Variants in ATRX observed in about 807,000 individuals in gnomAD.
ATRX encodes the protein chromatin remodeler ATRX.
ATRX carries 12 observed loss-of-function variants against 172.6 expected under a neutral mutation model. The ratio of observed to expected loss-of-function variants is 0.07; its 90% CI spans 0.04 to 0.11. The LOEUF (loss-of-function observed/expected upper bound fraction) is 0.11. Ranked by LOEUF, ATRX falls within the 10% of genes least tolerant of loss-of-function variation. The pLI is 1.00. For missense variants in ATRX, 1,368 were observed against 1,767.4 expected (o/e 0.77, Z 4.05); for synonymous variants, 674 against 594.7 (o/e 1.13, Z -1.94).
chrX:77,721,670 G>A (rs1429409781), intron 1 of ATRX, among the ~76,000 whole-genome samples: 1 of 111,726 alleles, frequency 9.0e-6, no homozygotes, highest in Non-Finnish European at 1.9e-5. Context: ...GGAAATAAGA[G>A]AGGACTCAAA....
intron 22 of ATRX, among the ~76,000 whole-genome samples, chrX:77,610,619 T>C (rs2067113645): frequency 9.0e-6 from 1 of 111,623 alleles, no homozygotes; most frequent in African/African-American, 3.3e-5. Context: ...AAAAATATTT[T>C]GTGGCATTAT....
chrX:77,753,056 T>C (rs972386834), intron 1 of ATRX, among the ~76,000 whole-genome samples: 2 of 111,537 alleles, frequency 1.8e-5, no homozygotes, highest in African/African-American at 6.5e-5. Context: ...CAGCTCCTCT[T>C]TGTACCTCTG....
chrX:77,772,722 C>G (rs1285205577), intron 1 of ATRX, among the ~76,000 whole-genome samples: 3 of 109,529 alleles, frequency 2.7e-5, no homozygotes, highest in Non-Finnish European at 5.7e-5. Flanking sequence ...ACCTCGTGAT[C>G]CATCCGCCTC....
chrX:77,665,352 G>A (rs1253181733), intron 10 of ATRX, among the ~76,000 whole-genome samples: 1 of 112,066 alleles, frequency 8.9e-6, no homozygotes, highest in East Asian at 2.8e-4. Context: ...CAAATGTTAA[G>A]TATTACAGCA....
At chrX:77,697,459 A>G (rs1603244864) in intron 4 of ATRX, 124 bp downstream of exon 4, 1 of 602,058 alleles carries the variant, frequency 1.7e-6, no homozygotes, top group Non-Finnish European at 2.6e-6. Flanking sequence ...TCAAATATGT[A>G]TATTTGTATA....
chrX:77,698,799 T>G, intron 2 of ATRX, 170 bp from the exon 3 acceptor site: 2 of 469,107 alleles, frequency 4.3e-6, no homozygotes, highest in South Asian at 5.8e-5. Context: ...CTAGAATCAC[T>G]CTCCTTTTGC....
chrX:77,725,006 G>A (rs953806836), intron 1 of ATRX, among the ~76,000 whole-genome samples: 6 of 111,811 alleles, frequency 5.4e-5, no homozygotes, highest in Non-Finnish European at 1.1e-4. Context: ...ATTTACTTAT[G>A]CTAAACTTTT....
At chrX:77,642,946 T>C (rs1557111820) in intron 15 of ATRX, among the ~76,000 whole-genome samples, 1 of 110,821 alleles carries the variant, frequency 9.0e-6, no homozygotes, top group African/African-American at 3.3e-5. Flanking sequence ...CCAGGCAACA[T>C]AGCAAGACCC....
At chrX:77,530,304 C>T (rs782568666) in intron 30 of ATRX, among the ~76,000 whole-genome samples, 107 of 111,123 alleles carry the variant, frequency 9.6e-4, no homozygotes, top group Middle Eastern at 4.7e-3. Flanking sequence ...CACTAAAATG[C>T]CCACATCAAA....
rs953838237 is a variant in ATRX at position 77,785,601 on chromosome X, A to C, written c.20+381T>G. Among the ~76,000 whole-genome samples the C allele has an allele frequency of 5.7e-3, 210 of 36,537 alleles. 2 individuals carry two copies. Among genetic ancestry groups the C allele is most frequent in the African/African-American group, 0.021 (191 of 8,932 alleles). 31.7% of individuals were successfully genotyped at this position (36,537 alleles called of 115,157 possible). On this transcript the variant is annotated intron_variant, in intron 1 of 34. Transcript: ENST00000373344. ...CTCACCCTCCCCCCGCTTCTTCCCCACGCAGTTTCTAGGCCCAAAGATTAG... is the reference window on the plus strand; with the variant it reads ...CTCACCCTCCCCCCGCTTCTTCCCCCCGCAGTTTCTAGGCCCAAAGATTAG...
intron 30 of ATRX, among the ~76,000 whole-genome samples, chrX:77,550,886 T>C (rs1294660147): frequency 9.0e-6 from 1 of 111,163 alleles, no homozygotes; most frequent in Non-Finnish European, 1.9e-5. Flanking sequence ...GAGAATAAAA[T>C]ACCTAGGAAT....
intron 4 of ATRX, among the ~76,000 whole-genome samples, chrX:77,697,304 C>T (rs973016716): frequency 2.7e-5 from 3 of 111,246 alleles, no homozygotes; most frequent in African/African-American, 9.8e-5. Context: ...CATATATTGT[C>T]TAATGAAATA....
chrX:77,689,511 A>G (rs183975756), intron 6 of ATRX, among the ~76,000 whole-genome samples: 179 of 112,442 alleles, frequency 1.6e-3, no homozygotes, highest in Middle Eastern at 4.6e-3. Context: ...TATCCACTCC[A>G]TATCAATACT....
intron 22 of ATRX, among the ~76,000 whole-genome samples, chrX:77,615,798 G>A (rs1021085319): frequency 9.0e-6 from 1 of 110,697 alleles, no homozygotes; most frequent in Non-Finnish European, 1.9e-5. Flanking sequence ...GTTAATATGT[G>A]TGTACGTACT....
chrX:77,750,246 A>T (rs1446084753), intron 1 of ATRX, among the ~76,000 whole-genome samples: 1 of 111,822 alleles, frequency 8.9e-6, no homozygotes, highest in Non-Finnish European at 1.9e-5. Flanking sequence ...ACATAAGTGT[A>T]TATAGGATTC....
chrX:77,774,536 G>A (rs2076280809), intron 1 of ATRX, among the ~76,000 whole-genome samples: 2 of 110,621 alleles, frequency 1.8e-5, no homozygotes, highest in African/African-American at 3.3e-5. Context: ...AATTAGCTGG[G>A]CGTGATGGCG....
intron 27 of ATRX, among the ~76,000 whole-genome samples, chrX:77,578,922 G>A (rs1167285451): frequency 9.0e-6 from 1 of 111,518 alleles, no homozygotes. Flanking sequence ...GCCCTGAAGG[G>A]TGAGTCTCTG....
chrX:77,753,627 C>T (rs2075380792), intron 1 of ATRX, among the ~76,000 whole-genome samples: 1 of 111,772 alleles, frequency 8.9e-6, no homozygotes, highest in Non-Finnish European at 1.9e-5. Context: ...CTAAACACTG[C>T]TTTATCTGTG....
intron 10 of ATRX, among the ~76,000 whole-genome samples, chrX:77,671,145 C>G (rs2070552073): frequency 1.5e-4 from 1 of 6,622 alleles, no homozygotes; most frequent in Admixed American, 3.8e-3. Flanking sequence ...GAGACTCTGT[C>G]TCAAAAAAAA....
Sources: gnomAD v4.1 joint callset for allele counts (sites outside exome capture counted in the v4.1 genomes callset) on GRCh38, gnomAD v4.1.1 for gene constraint, MANE v1.5 for transcripts, NCBI Gene and HGNC (gene_info 2026-07-23, HGNC 2026-07-21) for gene names.